DCLK1: variants seen among roughly 807,000 people sequenced by gnomAD.
DCLK1 encodes the protein doublecortin like kinase 1.
In DCLK1, 16 loss-of-function variants were observed where a neutral mutation model predicts 86.2. That is an observed-to-expected ratio of 0.19 (90% CI 0.13 to 0.28). The LOEUF is 0.28. Ranked by LOEUF, DCLK1 falls within the 10% of genes least tolerant of loss-of-function variation. The pLI, the probability that DCLK1 is intolerant of heterozygous loss-of-function variation, is 1.00. For missense variants in DCLK1, 590 were observed against 940.2 expected (o/e 0.63, Z 4.87); for synonymous variants, 369 against 370.5 (o/e 1.00, Z 0.05).
chr13:35,954,599 T>C (rs983495402), intron 3 of DCLK1, among the ~76,000 whole-genome samples: 3 of 152,202 alleles, frequency 2.0e-5, no homozygotes, highest in Non-Finnish European at 4.4e-5. Flanking sequence ...ATCCCTTCTT[T>C]ACATTTTTGT....
chr13:36,048,011 CT>C (rs1473868556), intron 3 of DCLK1, among the ~76,000 whole-genome samples: 1 of 152,124 alleles, frequency 6.6e-6, no homozygotes, highest in African/African-American at 2.4e-5. Context: ...GGAGAGTAAA[CT>C]TTAAGTGTTC....
chr13:36,043,058 C>T (rs1041311735), intron 3 of DCLK1, among the ~76,000 whole-genome samples: 2 of 152,136 alleles, frequency 1.3e-5, no homozygotes, highest in African/African-American at 4.8e-5. Flanking sequence ...TTACATCCCA[C>T]TTAACTGGAA....
intron 5 of DCLK1, among the ~76,000 whole-genome samples, chr13:35,861,473 C>T (rs1433474445): frequency 1.3e-5 from 2 of 152,092 alleles, no homozygotes; most frequent in Admixed American, 1.3e-4. Context: ...TGGAGCCAGC[C>T]TGGGAAAGGA....
chr13:35,892,368 A>T (rs1478601048), intron 4 of DCLK1, among the ~76,000 whole-genome samples: 1 of 152,220 alleles, frequency 6.6e-6, no homozygotes, highest in Admixed American at 6.5e-5. Flanking sequence ...GTATGAGTCA[A>T]AGTCAAGGTA....
chr13:35,895,553 T>C (rs1873911133), intron 4 of DCLK1, among the ~76,000 whole-genome samples: 1 of 152,158 alleles, frequency 6.6e-6, no homozygotes, highest in South Asian at 2.1e-4. Flanking sequence ...TTGGACTGAG[T>C]AAATTGTCTT....
At chr13:36,111,824 G>A (rs778627520) in intron 3 of DCLK1, 45 bp downstream of exon 3, 21 of 1,554,300 alleles carry the variant, frequency 1.4e-5, no homozygotes, top group Non-Finnish European at 1.8e-5. Flanking sequence ...CCGACTCCCT[G>A]GTTCTTGCCT....
intron 3 of DCLK1, among the ~76,000 whole-genome samples, chr13:36,024,324 G>C (rs1046993076): frequency 6.6e-6 from 1 of 152,126 alleles, no homozygotes; most frequent in Admixed American, 6.5e-5. Flanking sequence ...ACATGATCTT[G>C]TATCTGGAAA....
chr13:35,897,858 G>A (rs1327747068), intron 4 of DCLK1, among the ~76,000 whole-genome samples: 9 of 152,106 alleles, frequency 5.9e-5, no homozygotes, highest in Admixed American at 2.0e-4. Flanking sequence ...CTTGATAGTC[G>A]TACTTAGAGG....
intron 4 of DCLK1, among the ~76,000 whole-genome samples, chr13:35,945,472 G>A (rs1422875649): frequency 6.6e-6 from 1 of 152,160 alleles, no homozygotes; most frequent in African/African-American, 2.4e-5. Flanking sequence ...AGACCCCAGA[G>A]TTTGGAAGCT....
intron 5 of DCLK1, among the ~76,000 whole-genome samples, chr13:35,862,359 C>T (rs891360746): frequency 6.6e-6 from 1 of 152,218 alleles, no homozygotes; most frequent in Admixed American, 6.5e-5. Flanking sequence ...TCTAGCCTCA[C>T]ATCCAGTTAA....
intron 3 of DCLK1, among the ~76,000 whole-genome samples, chr13:35,959,854 CGTGTGTGTGTGTGTGTGTGT>C (rs67600362): frequency 1.3e-5 from 2 of 149,304 alleles, no homozygotes; most frequent in Admixed American, 6.7e-5. Context: ...TACAGCAAGT[CGTGTGTGTGTGTGTGTGTGT>C]GTGTGTGTGT....
intron 16 of DCLK1, among the ~76,000 whole-genome samples, chr13:35,778,873 G>C (rs1196903045): frequency 6.6e-6 from 1 of 152,108 alleles, no homozygotes; most frequent in African/African-American, 2.4e-5. Context: ...TTTGGTTTTG[G>C]TTTTCTTCAC....
At chr13:36,004,766 CAG>C (rs1880874860) in intron 3 of DCLK1, among the ~76,000 whole-genome samples, 1 of 152,030 alleles carries the variant, frequency 6.6e-6, no homozygotes, top group Non-Finnish European at 1.5e-5. Flanking sequence ...TTCGTAGAAA[CAG>C]GGTTTTGCCA....
At chr13:36,005,334 A>C (rs931537975) in intron 3 of DCLK1, among the ~76,000 whole-genome samples, 5 of 152,212 alleles carry the variant, frequency 3.3e-5, no homozygotes, top group Non-Finnish European at 7.3e-5. Flanking sequence ...TGTATATGCA[A>C]AAAGAAAAGA....
In DCLK1 at chr13:35,774,174, A is replaced by G. The variant is rs578080649; in HGVS notation, c.*361T>C. 2.6e-4 allele frequency: 47 copies of G among 178,590 alleles called. No homozygotes were observed. The highest frequency in any genetic ancestry group is 5.0e-4 in the Non-Finnish European group (42 of 83,450). 11.1% of individuals were successfully genotyped at this position (178,590 alleles called of 1,614,324 possible). On this transcript the variant is annotated 3_prime_UTR_variant, in exon 17 of 17. Coordinates refer to ENST00000360631, the MANE Select transcript of DCLK1 (RefSeq NM_001330071.2). Reference sequence around the variant, plus strand: ...ACATCCAAAGGCCTGAAAAATTCCCAAACAAGAATTCTCAATAAAATTCTA... The same window carrying G: ...ACATCCAAAGGCCTGAAAAATTCCCGAACAAGAATTCTCAATAAAATTCTA...
At chr13:36,073,532 T>C (rs1884055974) in intron 3 of DCLK1, among the ~76,000 whole-genome samples, 1 of 152,148 alleles carries the variant, frequency 6.6e-6, no homozygotes, top group Non-Finnish European at 1.5e-5. Context: ...TAAAAGCAGG[T>C]ATCTGAAGAT....
rs1336533632 is a variant in DCLK1, at chr13:35,773,836, C to T, written c.*699G>A. The T allele has an allele frequency of 6.6e-6, 1 of 151,392 alleles. No individual in the cohort carries two copies. Among genetic ancestry groups the T allele is most frequent in the Non-Finnish European group, 1.5e-5 (1 of 67,990 alleles). The allele number at this position is 151,392 out of a possible 1,614,324, so 9.4% of individuals were successfully genotyped here. ...TTCTGGGGCGTCATCAGTACATCTT[C>T]ATGTGGAGACAATTTGGGGGGCACC... On this transcript the variant is annotated 3_prime_UTR_variant, in exon 17 of 17. Transcript: ENST00000360631.
chr13:35,913,514 C>T (rs1875174520), intron 4 of DCLK1, among the ~76,000 whole-genome samples: 1 of 152,146 alleles, frequency 6.6e-6, no homozygotes, highest in African/African-American at 2.4e-5. Context: ...ACATGTCTTT[C>T]TTCCTAACCA....
At chr13:35,913,345 A>G (rs1346507031) in intron 4 of DCLK1, among the ~76,000 whole-genome samples, 1 of 152,018 alleles carries the variant, frequency 6.6e-6, no homozygotes, top group Non-Finnish European at 1.5e-5. Context: ...CCTAAAATAC[A>G]TTTTCCCCTT....
Sources: gnomAD v4.1 joint callset for allele counts (sites outside exome capture counted in the v4.1 genomes callset) on GRCh38, gnomAD v4.1.1 for gene constraint, MANE v1.5 for transcripts, NCBI Gene and HGNC (gene_info 2026-07-23, HGNC 2026-07-21) for gene names.